TBK1: variants seen among roughly 807,000 people sequenced by gnomAD.
TBK1 encodes the protein serine/threonine-protein kinase TBK1.
A neutral mutation model predicts 99.9 loss-of-function variants in TBK1; 37 were observed. That is an observed-to-expected ratio of 0.37 (90% confidence interval 0.28 to 0.49). The LOEUF is 0.49. Among genes scored for constraint, TBK1 ranks in the 20% least tolerant of loss-of-function variants. The pLI is 0.98. For missense variants in TBK1, 644 were observed against 872.5 expected (o/e 0.74, Z 3.30); for synonymous variants, 258 against 279.8 (o/e 0.92, Z 0.78).
At chr12:64,492,660 G>A (rs1381669896) in intron 13 of TBK1, among the ~76,000 whole-genome samples, 1 of 152,094 alleles carries the variant, frequency 6.6e-6, no homozygotes, top group Admixed American at 6.6e-5. Flanking sequence ...TGAGGTAATG[G>A]AGTCTTATGA....
intron 2 of TBK1, among the ~76,000 whole-genome samples, chr12:64,456,839 T>TAAAAAA (rs532644739): frequency 8.4e-6 from 1 of 118,610 alleles, no homozygotes; most frequent in African/African-American, 3.1e-5. Context: ...AAGACTCAAT[T>TAAAAAA]AAAAAAAAAA....
At chr12:64,458,086 AACAC>A (rs71092969) in intron 2 of TBK1, among the ~76,000 whole-genome samples, 2,798 of 142,764 alleles carry the variant, frequency 0.02, 62 homozygotes, top group African/African-American at 0.05. Context: ...GTCTCTACTA[AACAC>A]ACACACACAC....
At chr12:64,500,246 A>T (rs906066448) in intron 20 of TBK1, among the ~76,000 whole-genome samples, 1 of 151,506 alleles carries the variant, frequency 6.6e-6, no homozygotes, top group Non-Finnish European at 1.5e-5. Flanking sequence ...ATCACTTCAA[A>T]TTTTTTTTTG....
chr12:64,496,190 T>G (rs2040923324), intron 15 of TBK1, among the ~76,000 whole-genome samples, 177 bp from the exon 16 acceptor site: 1 of 152,200 alleles, frequency 6.6e-6, no homozygotes, highest in Non-Finnish European at 1.5e-5. Flanking sequence ...TTTTTTACAT[T>G]GTTATTTACA....
At chr12:64,475,380 G>T (rs2040701864) in intron 6 of TBK1, among the ~76,000 whole-genome samples, 2 of 152,036 alleles carry the variant, frequency 1.3e-5, no homozygotes, top group Non-Finnish European at 1.5e-5. Context: ...CCCAGATAGT[G>T]AACGTGGTAC....
chr12:64,491,216 G>A (rs938274977), intron 13 of TBK1, among the ~76,000 whole-genome samples: 1 of 152,116 alleles, frequency 6.6e-6, no homozygotes, highest in African/African-American at 2.4e-5. Context: ...GGCTACTTAA[G>A]CAAGGCCTTT....
At position 64,470,927 on chromosome 12, in the gene TBK1, T is replaced by C. The variant is rs2040655800; in HGVS notation, c.541-3303T>C. Among the ~76,000 whole-genome samples the C allele has an allele frequency of 2.6e-5, 4 of 152,222 alleles. No homozygotes were observed. The South Asian group carries it at 8.3e-4, about 31-fold the overall frequency. On this transcript the variant is annotated intron_variant, in intron 5 of 20. Coordinates refer to ENST00000331710, the MANE Select transcript of TBK1 (RefSeq NM_013254.4). ...AAATAAATTAATTCCAAGTCTGTGC[T>C]GTACTCTAGGCTGAAATTTAACCCC...
chr12:64,464,038 A>G (rs1313036298), intron 3 of TBK1, among the ~76,000 whole-genome samples: 5 of 151,842 alleles, frequency 3.3e-5, no homozygotes, highest in Admixed American at 6.6e-5. Context: ...TAATTTTTGT[A>G]TTTTTAGTAG....
chr12:64,464,489 C>G, intron 4 of TBK1, 26 bp downstream of exon 4: 1 of 1,482,490 alleles, frequency 6.7e-7, no homozygotes, highest in Non-Finnish European at 9.0e-7. Context: ...TATATGATAT[C>G]ATTTGTATAT....
intron 20 of TBK1, among the ~76,000 whole-genome samples, chr12:64,498,729 G>A (rs2040955209): frequency 6.6e-6 from 1 of 152,156 alleles, no homozygotes; most frequent in Admixed American, 6.5e-5. Flanking sequence ...GCCAAGGCAG[G>A]CAGATTGCCT....
intron 6 of TBK1, among the ~76,000 whole-genome samples, chr12:64,479,481 TTTAATG>T (rs1269147948): frequency 6.6e-6 from 1 of 152,230 alleles, no homozygotes; most frequent in Non-Finnish European, 1.5e-5. Context: ...GCACATTTAC[TTTAATG>T]TTAAACAAAT....
At chr12:64,452,653 G>C (rs191951836) in intron 1 of TBK1, 1 of 152,334 alleles carries the variant, frequency 6.6e-6, no homozygotes, top group African/African-American at 2.4e-5. Context: ...TGATTTTTCA[G>C]AGGATTAAAA....
chr12:64,490,854 G>A (rs987011930), intron 13 of TBK1, among the ~76,000 whole-genome samples: 15 of 151,496 alleles, frequency 9.9e-5, no homozygotes, highest in African/African-American at 2.9e-4. Flanking sequence ...CCCAGGAAGC[G>A]GAGGTTGTAG....
chr12:64,457,423 A>C (rs950442776), intron 2 of TBK1, among the ~76,000 whole-genome samples: 10 of 152,208 alleles, frequency 6.6e-5, no homozygotes, highest in Non-Finnish European at 1.0e-4. Context: ...GGAGAAAATG[A>C]CTAGTGCCTC....
At chr12:64,470,422 T>G (rs929907192) in intron 5 of TBK1, among the ~76,000 whole-genome samples, 2 of 152,186 alleles carry the variant, frequency 1.3e-5, no homozygotes, top group Non-Finnish European at 2.9e-5. Context: ...AATACTACTT[T>G]GAATACAAGT....
chr12:64,457,402 T>G (rs1026381989), intron 2 of TBK1, among the ~76,000 whole-genome samples: 2 of 152,160 alleles, frequency 1.3e-5, no homozygotes, highest in Admixed American at 6.5e-5. Context: ...ATTGCTTTTG[T>G]TTTATGCCAA....
intron 5 of TBK1, among the ~76,000 whole-genome samples, chr12:64,467,647 A>G (rs930383488): frequency 6.6e-6 from 1 of 152,206 alleles, no homozygotes; most frequent in African/African-American, 2.4e-5. Flanking sequence ...ACATGTAATC[A>G]GGAAGTTTAA....
At chr12:64,465,688 A>T (rs1041264351) in intron 4 of TBK1, among the ~76,000 whole-genome samples, 1 of 152,222 alleles carries the variant, frequency 6.6e-6, no homozygotes, top group African/African-American at 2.4e-5. Flanking sequence ...CAAAGGCTGC[A>T]ATATTATATG....
chr12:64,492,600 C>G (rs1300516979), intron 13 of TBK1, among the ~76,000 whole-genome samples: 2 of 152,354 alleles, frequency 1.3e-5, no homozygotes, highest in East Asian at 3.9e-4. Context: ...GCCACCTTGC[C>G]TAGCCAAGAT....
Sources: allele counts gnomAD v4.1 joint callset (sites outside exome capture counted in the v4.1 genomes callset), GRCh38; gene constraint gnomAD v4.1.1; transcripts MANE v1.5; gene names NCBI Gene and HGNC (gene_info 2026-07-23, HGNC 2026-07-21).